The following INPP5A variants were observed in gnomAD, a reference collection of about 807,000 sequenced individuals.
The protein encoded by INPP5A is inositol polyphosphate-5-phosphatase A, also known as 43 kDa inositol polyphosphate 5-phophatase.
INPP5A carries 14 observed loss-of-function variants against 65.2 expected under a neutral mutation model. That is an observed-to-expected ratio of 0.21 (90% confidence interval 0.14 to 0.34). INPP5A has a LOEUF of 0.34. Among genes scored for constraint, INPP5A ranks in the 10% least tolerant of loss-of-function variants. INPP5A has a pLI of 1.00. For missense variants in INPP5A, 431 were observed against 545.6 expected, an observed-to-expected ratio of 0.79 and a Z score of 2.09; for synonymous variants, 207 against 208.3, an observed-to-expected ratio of 0.99 and a Z score of 0.05.
At chr10:132,716,117 C>T (rs947602125) in intron 8 of INPP5A, among the ~76,000 whole-genome samples, 20 of 152,228 alleles carry the variant, frequency 1.3e-4, no homozygotes, top group Middle Eastern at 3.2e-3. Flanking sequence ...AAGGTGGTGC[C>T]GCTATGCAGA....
At chr10:132,642,642 C>T (rs189087427) in intron 2 of INPP5A, among the ~76,000 whole-genome samples, 2 of 152,306 alleles carry the variant, frequency 1.3e-5, no homozygotes, top group Admixed American at 1.3e-4. Flanking sequence ...CAGGCCTGGC[C>T]TTTGTTGGGC....
intron 4 of INPP5A, among the ~76,000 whole-genome samples, chr10:132,654,085 C>T (rs2072617962): frequency 6.6e-6 from 1 of 152,274 alleles, no homozygotes; most frequent in Admixed American, 6.5e-5. Flanking sequence ...GGCCCCGAGG[C>T]TGTTCCTCCA....
At chr10:132,684,525 C>T (rs192244729) in intron 4 of INPP5A, among the ~76,000 whole-genome samples, 3 of 152,270 alleles carry the variant, frequency 2.0e-5, no homozygotes, top group East Asian at 1.9e-4. Context: ...GCAAAGCAGC[C>T]GTGAGGGTGT....
chr10:132,686,092 C>T (rs188661596), intron 4 of INPP5A, among the ~76,000 whole-genome samples: 61 of 152,344 alleles, frequency 4.0e-4, no homozygotes, highest in African/African-American at 1.4e-3. Flanking sequence ...CCCAGGCTGC[C>T]TTCAGAGACC....
At chr10:132,657,418 G>T (rs1450575677) in intron 4 of INPP5A, among the ~76,000 whole-genome samples, 1 of 152,224 alleles carries the variant, frequency 6.6e-6, no homozygotes, top group African/African-American at 2.4e-5. Context: ...CCGCGGCTGG[G>T]TCTGTGGAGA....
At chr10:132,772,399 G>A (rs2134685086) in intron 12 of INPP5A, among the ~76,000 whole-genome samples, 1 of 125,024 alleles carries the variant, frequency 8.0e-6, no homozygotes, top group African/African-American at 3.1e-5. Context: ...GGAGGCCACG[G>A]CAGCCACCCC....
intron 3 of INPP5A, among the ~76,000 whole-genome samples, chr10:132,649,519 A>G (rs1373780329): frequency 6.6e-6 from 1 of 152,222 alleles, no homozygotes; most frequent in African/African-American, 2.4e-5. Flanking sequence ...TGTGTTTACC[A>G]ACAGTTAAGC....
At chr10:132,694,588 A>G (rs1340397526) in intron 5 of INPP5A, among the ~76,000 whole-genome samples, 1 of 152,158 alleles carries the variant, frequency 6.6e-6, no homozygotes, top group African/African-American at 2.4e-5. Context: ...GGAAATGAAT[A>G]GAGAAAATTA....
chr10:132,756,557 G>A (rs377428779), intron 11 of INPP5A, among the ~76,000 whole-genome samples: 1 of 152,220 alleles, frequency 6.6e-6, no homozygotes, highest in African/African-American at 2.4e-5. Context: ...TCACAGCGTG[G>A]CGGCACTGGT....
chr10:132,575,119 C>A lies in INPP5A; in HGVS notation c.76-32796C>A, dbSNP rs2133290789. Reference sequence around the variant, plus strand: ...ACAGGGTGACAGGTGACAGGTGACCCAGCCTTCAGGCTCCCTGTCCAGCCG... The same window carrying A: ...ACAGGGTGACAGGTGACAGGTGACCAAGCCTTCAGGCTCCCTGTCCAGCCG... On this transcript the variant is annotated intron_variant, in intron 1 of 15. Transcript: ENST00000368594. The surrounding 1 kb of genome is among the most constrained non-coding windows in gnomAD (Gnocchi z 5.4). Among the ~76,000 whole-genome samples, 1 of 152,332 alleles carries A rather than the reference C, an allele frequency of 6.6e-6. No homozygotes were observed. Among genetic ancestry groups the A allele is most frequent in the Admixed American group, 6.5e-5 (1 of 15,300 alleles).
At chr10:132,677,985 C>T (rs1278457975) in intron 4 of INPP5A, among the ~76,000 whole-genome samples, 2 of 152,238 alleles carry the variant, frequency 1.3e-5, no homozygotes, top group African/African-American at 2.4e-5. Context: ...AGCTGTCGAA[C>T]AGGAGGCAGA....
At chr10:132,636,469 C>A (rs2072353968) in intron 2 of INPP5A, among the ~76,000 whole-genome samples, 1 of 152,184 alleles carries the variant, frequency 6.6e-6, no homozygotes, top group Non-Finnish European at 1.5e-5. Flanking sequence ...TACATGTATA[C>A]AAATTTAAAA....
chr10:132,683,433 C>T (rs1244396353), intron 4 of INPP5A, among the ~76,000 whole-genome samples: 1 of 152,202 alleles, frequency 6.6e-6, no homozygotes, highest in Non-Finnish European at 1.5e-5. Context: ...TCTGCGGTGA[C>T]ACAGCAAGGC....
At chr10:132,564,727 C>T (rs899482032) in intron 1 of INPP5A, among the ~76,000 whole-genome samples, 1 of 152,300 alleles carries the variant, frequency 6.6e-6, no homozygotes, top group South Asian at 2.1e-4. Flanking sequence ...GTGCCCAGGC[C>T]CTGCCAGTGG....
chr10:132,549,903 CG>C lies in INPP5A; in HGVS notation c.75+11733del. On this transcript the variant is annotated intron_variant, in intron 1 of 15. Transcript: ENST00000368594. The surrounding 1 kb of genome is among the most constrained non-coding windows in gnomAD (Gnocchi z 4.9). ...AGGCATTAGGGGATGGGGTCAGCCTCGAGTTACTAACCGGGCATTAGGGGAT... is the reference window on the plus strand; with the variant it reads ...AGGCATTAGGGGATGGGGTCAGCCTCAGTTACTAACCGGGCATTAGGGGAT... Among the ~76,000 whole-genome samples, 3 of 150,968 alleles carry C rather than the reference CG, an allele frequency of 2.0e-5. No individual in the cohort carries two copies. Among genetic ancestry groups the C allele is most frequent in the African/African-American group, 7.3e-5 (3 of 40,966 alleles).
At chr10:132,639,151 A>G (rs902701989) in intron 2 of INPP5A, among the ~76,000 whole-genome samples, 1 of 152,102 alleles carries the variant, frequency 6.6e-6, no homozygotes, top group Non-Finnish European at 1.5e-5. Context: ...TGGAGATCCA[A>G]GCTGCCCCCA....
In INPP5A at chr10:132,782,017, A is replaced by G; in HGVS notation, c.*8-20A>G. On this transcript the variant is annotated intron_variant, in intron 15 of 15. Transcript: ENST00000368594. The surrounding 1 kb of genome is among the most constrained non-coding windows in gnomAD (Gnocchi z 4.4). ...TCCTGGTGCGTTTGTTCCTTTAACA[A>G]ATTACGAATTCCGTGACAGGGAAGA... 1 of 1,609,534 alleles carries G rather than the reference A, an allele frequency of 6.2e-7. No individual in the cohort carries two copies. The highest frequency in any genetic ancestry group is 8.5e-7 in the Non-Finnish European group (1 of 1,177,638).
chr10:132,727,944 C>T lies in INPP5A; in HGVS notation c.732+1039C>T, dbSNP rs1846014931. ...TCCCATTTTAGTCTCCAGTTCCAAA[C>T]ACCCACACGTATTCATCTTCCAACG... On this transcript the variant is annotated intron_variant, in intron 9 of 15. Coordinates refer to ENST00000368594, the MANE Select transcript of INPP5A (RefSeq NM_005539.5). The surrounding 1 kb of genome is among the most constrained non-coding windows in gnomAD (Gnocchi z 6.5). 6.6e-6 allele frequency among the ~76,000 whole-genome samples: 1 copy of T among 152,212 alleles called. No individual in the cohort carries two copies. Among genetic ancestry groups the T allele is most frequent in the African/African-American group, 2.4e-5 (1 of 41,448 alleles).
intron 9 of INPP5A, among the ~76,000 whole-genome samples, chr10:132,747,225 C>T (rs778187755): frequency 4.6e-5 from 7 of 152,248 alleles, no homozygotes; most frequent in Non-Finnish European, 8.8e-5. Context: ...CCTTGGGACA[C>T]AGGGGTGGGC....
Sources: gnomAD v4.1 joint callset for allele counts (sites outside exome capture counted in the v4.1 genomes callset) on GRCh38, gnomAD v4.1.1 for gene constraint, Gnocchi (gnomAD v3.1) non-coding constraint, MANE v1.5 for transcripts, NCBI Gene and HGNC (gene_info 2026-07-23, HGNC 2026-07-21) for gene names.